Variants in BMPR1B observed in about 807,000 individuals in gnomAD.
BMPR1B encodes the protein bone morphogenetic protein receptor type 1B, also known as bone morphogenetic protein receptor type-1B.
Under a neutral mutation model 59.1 loss-of-function variants are expected in BMPR1B, and 12 were observed. The ratio of observed to expected loss-of-function variants is 0.20; its 90% CI spans 0.13 to 0.33. The LOEUF is 0.33. Ranked by LOEUF, BMPR1B falls within the 10% of genes least tolerant of loss-of-function variation. The pLI, the probability that BMPR1B is intolerant of heterozygous loss-of-function variation, is 1.00. For synonymous variants in BMPR1B, 237 were observed against 207.3 expected (o/e 1.14, Z -1.23); for missense variants, 550 against 610.9 (o/e 0.90, Z 1.05).
intron 3 of BMPR1B, among the ~76,000 whole-genome samples, chr4:95,017,681 C>A (rs1578934733): frequency 6.6e-6 from 1 of 152,150 alleles, no homozygotes; most frequent in African/African-American, 2.4e-5. Flanking sequence ...AGCCTGTTAT[C>A]TGGTTTAATT....
At chr4:95,097,853 A>G (rs1399040070) in intron 3 of BMPR1B, among the ~76,000 whole-genome samples, 2 of 152,112 alleles carry the variant, frequency 1.3e-5, no homozygotes, top group Non-Finnish European at 2.9e-5. Context: ...CTTTGGTGAA[A>G]AACTTTTTTG....
rs570617074 is a variant in BMPR1B at position 95,001,284 on chromosome 4, T to G, written c.-18+5150T>G. Among the ~76,000 whole-genome samples, 7 of 152,270 alleles carry G rather than the reference T, an allele frequency of 4.6e-5. No individual in the cohort carries two copies. In the South Asian group the frequency reaches 1.4e-3, roughly 32 times the overall value. ...TCTGTTTTTGTTCTTCATACTACAT[T>G]TAATTTTTTGTGTCTCTGTGTCTTG... On this transcript the variant is annotated intron_variant, in intron 3 of 12. Transcript: ENST00000515059.
rs192940343 is a variant in BMPR1B, at chr4:95,066,209, T to C, written c.-17-38199T>C. Among the ~76,000 whole-genome samples, 96 of 152,348 alleles carry C rather than the reference T, an allele frequency of 6.3e-4. No homozygotes were observed. The Middle Eastern group carries it at 0.01, about 16-fold the overall frequency. The stretch of plus-strand genomic sequence containing the variant: ...CTGAATCAGAGGTGTCTATTACTTT[T>C]CTACTTGTTAATATAACAGAAATGC... On this transcript the variant is annotated intron_variant, in intron 3 of 12. Coordinates refer to ENST00000515059, the MANE Select transcript of BMPR1B (RefSeq NM_001203.3).
intron 3 of BMPR1B, among the ~76,000 whole-genome samples, chr4:95,005,194 T>C (rs1296666816): frequency 6.6e-6 from 1 of 152,192 alleles, no homozygotes; most frequent in African/African-American, 2.4e-5. Flanking sequence ...CTAACATGAT[T>C]TCATTGTTAA....
chr4:94,867,177 T>C (rs1726280434), intron 1 of BMPR1B, among the ~76,000 whole-genome samples: 1 of 152,238 alleles, frequency 6.6e-6, no homozygotes, highest in Admixed American at 6.5e-5. Flanking sequence ...CATTCTAGCA[T>C]GGCTAACCCT....
chr4:95,000,155 G>A (rs1722338561), intron 3 of BMPR1B, among the ~76,000 whole-genome samples: 2 of 152,220 alleles, frequency 1.3e-5, no homozygotes, highest in South Asian at 2.1e-4. Context: ...TTACTTTAGT[G>A]TGCTCTACCA....
intron 1 of BMPR1B, among the ~76,000 whole-genome samples, chr4:94,793,973 G>A (rs1438545943): frequency 1.3e-5 from 2 of 149,116 alleles, no homozygotes; most frequent in African/African-American, 2.5e-5. Flanking sequence ...TAGGTTGCCT[G>A]TTCACTCTGA....
chr4:94,984,281 T>C (rs1051487016), intron 2 of BMPR1B, among the ~76,000 whole-genome samples: 3 of 152,220 alleles, frequency 2.0e-5, no homozygotes, highest in Admixed American at 1.3e-4. Flanking sequence ...TTCAGATAGA[T>C]GCATTTTCCA....
chr4:94,982,768 G>A (rs569823559), intron 2 of BMPR1B, among the ~76,000 whole-genome samples: 2 of 152,080 alleles, frequency 1.3e-5, no homozygotes, highest in African/African-American at 4.8e-5. Context: ...TGAGGCGGGC[G>A]GATCAGGAGA....
At chr4:95,142,939 A>G (rs1734356482) in intron 10 of BMPR1B, among the ~76,000 whole-genome samples, 1 of 152,000 alleles carries the variant, frequency 6.6e-6, no homozygotes, top group South Asian at 2.1e-4. Context: ...TATATTTTTA[A>G]AAAACTCCCC....
In BMPR1B at chr4:94,768,508, C is replaced by T. The variant is rs1048712072; in HGVS notation, c.-183+10440C>T. Among the ~76,000 whole-genome samples the T allele has an allele frequency of 3.9e-5, 6 of 152,038 alleles. No homozygotes were observed. In the East Asian group the frequency reaches 9.6e-4, roughly 24 times the overall value. On this transcript the variant is annotated intron_variant, in intron 1 of 12. Coordinates refer to ENST00000515059, the MANE Select transcript of BMPR1B (RefSeq NM_001203.3). ...CTTCACCTTCTCATTTTTCCCTCCC[C>T]TTTCATTTTTATCTTCCTCACTTTT...
At chr4:94,916,949 T>A (rs1163952562) in intron 2 of BMPR1B, among the ~76,000 whole-genome samples, 1 of 152,200 alleles carries the variant, frequency 6.6e-6, no homozygotes, top group African/African-American at 2.4e-5. Context: ...GCTCCCTATA[T>A]CCTGGCTGAT....
chr4:94,840,441 C>G (rs1409550140), intron 1 of BMPR1B, among the ~76,000 whole-genome samples: 1 of 147,614 alleles, frequency 6.8e-6, no homozygotes, highest in African/African-American at 2.5e-5. Flanking sequence ...TCCCATATTT[C>G]TTGGAGGCTT....
At chr4:95,051,799 A>G (rs1416731719) in intron 3 of BMPR1B, 5 of 1,531,122 alleles carry the variant, frequency 3.3e-6, no homozygotes, top group South Asian at 2.4e-5. Flanking sequence ...CCTCCACTAC[A>G]GTGCTGATGG....
chr4:94,758,718 C>G (rs1190737958), intron 1 of BMPR1B, among the ~76,000 whole-genome samples: 2 of 152,062 alleles, frequency 1.3e-5, no homozygotes, highest in African/African-American at 2.4e-5. Flanking sequence ...CTCTATGCCT[C>G]TCTCTCAAGT....
intron 1 of BMPR1B, among the ~76,000 whole-genome samples, chr4:94,761,848 A>G (rs1191157976): frequency 1.3e-5 from 2 of 152,182 alleles, no homozygotes; most frequent in Non-Finnish European, 2.9e-5. Context: ...CAGAAACTGA[A>G]GTAGAATTGT....
At chr4:94,953,324 G>C (rs1025329050) in intron 2 of BMPR1B, among the ~76,000 whole-genome samples, 1 of 152,076 alleles carries the variant, frequency 6.6e-6, no homozygotes, top group African/African-American at 2.4e-5. Flanking sequence ...TGGTTATTTT[G>C]CCCATTAGTT....
intron 2 of BMPR1B, among the ~76,000 whole-genome samples, chr4:94,922,062 T>C (rs1172264107): frequency 6.6e-6 from 1 of 152,120 alleles, no homozygotes; most frequent in African/African-American, 2.4e-5. Context: ...AGCCTCGACC[T>C]TCTGGGTTCA....
intron 3 of BMPR1B, among the ~76,000 whole-genome samples, chr4:95,063,081 A>G (rs1259356945): frequency 2.0e-5 from 3 of 152,108 alleles, no homozygotes; most frequent in Non-Finnish European, 4.4e-5. Context: ...TTTAGTCTGG[A>G]TTGTTTTTAT....
Sources: gnomAD v4.1 joint callset for allele counts (sites outside exome capture counted in the v4.1 genomes callset) on GRCh38, gnomAD v4.1.1 for gene constraint, MANE v1.5 for transcripts, NCBI Gene and HGNC (gene_info 2026-07-23, HGNC 2026-07-21) for gene names.